The following ZNF407 variants were observed in gnomAD, a reference collection of about 807,000 sequenced individuals.
The protein encoded by ZNF407 is zinc finger protein 407.
ZNF407 carries 17 observed loss-of-function variants against 131.2 expected under a neutral mutation model. That is an observed-to-expected ratio of 0.13 (90% CI 0.09 to 0.19). The LOEUF (loss-of-function observed/expected upper bound fraction) is 0.19, where lower values mean the gene tolerates loss of function less well. Ranked by LOEUF, ZNF407 falls within the 10% of genes least tolerant of loss-of-function variation. ZNF407 has a pLI of 1.00. For synonymous variants in ZNF407, 1,156 were observed against 1,062.0 expected (o/e 1.09, Z -1.72); for missense variants, 2,681 against 2,830.6 (o/e 0.95, Z 1.20).
rs985772579 is a variant in ZNF407 at position 74,640,060 on chromosome 18, C to T, written c.4688-948C>T. 4.6e-5 allele frequency among the ~76,000 whole-genome samples: 7 copies of T among 152,020 alleles called. No individual in the cohort carries two copies. In the East Asian group the frequency reaches 5.8e-4, roughly 13 times the overall value. ...GAATATGATATGAAAAATCAGGAAACGTACTGATTTTAAACTGGTTTTTAC... is the reference window on the plus strand; with the variant it reads ...GAATATGATATGAAAAATCAGGAAATGTACTGATTTTAAACTGGTTTTTAC... On this transcript the variant is annotated intron_variant, in intron 2 of 8. Coordinates refer to ENST00000299687, the MANE Select transcript of ZNF407 (RefSeq NM_017757.3).
At chr18:75,017,383 G>GA (rs1973057051) in intron 8 of ZNF407, among the ~76,000 whole-genome samples, 1 of 152,060 alleles carries the variant, frequency 6.6e-6, no homozygotes, top group Non-Finnish European at 1.5e-5. Flanking sequence ...AGGAAAGTGT[G>GA]GAAAAATTTT....
chr18:74,647,462 G>A (rs1002767128), intron 3 of ZNF407, among the ~76,000 whole-genome samples: 2 of 151,968 alleles, frequency 1.3e-5, no homozygotes, highest in African/African-American at 4.8e-5. Flanking sequence ...AAATCTTCTT[G>A]TAGAGTCTCA....
At chr18:74,993,741 G>A (rs751612596) in intron 8 of ZNF407, among the ~76,000 whole-genome samples, 13 of 152,328 alleles carry the variant, frequency 8.5e-5, no homozygotes, top group Middle Eastern at 3.4e-3. Flanking sequence ...AGGAAAGCTC[G>A]TCAGAAAACT....
At chr18:74,697,237 A>G (rs1220960947) in intron 3 of ZNF407, among the ~76,000 whole-genome samples, 2 of 152,048 alleles carry the variant, frequency 1.3e-5, no homozygotes, top group Non-Finnish European at 1.5e-5. Context: ...TTCATTTTCT[A>G]TTAGGTGGGC....
intron 3 of ZNF407, among the ~76,000 whole-genome samples, chr18:74,722,542 G>A (rs188383163): frequency 6.6e-6 from 1 of 152,048 alleles, no homozygotes; most frequent in Non-Finnish European, 1.5e-5. Context: ...CCTCACCCCA[G>A]ATTTCTTCCT....
intron 4 of ZNF407, among the ~76,000 whole-genome samples, chr18:74,797,957 G>C: frequency 6.6e-6 from 1 of 152,092 alleles, no homozygotes; most frequent in East Asian, 1.9e-4. Flanking sequence ...AAGACCAGCA[G>C]GAGGGATCAA....
intron 3 of ZNF407, among the ~76,000 whole-genome samples, chr18:74,753,508 C>T (rs1323360496): frequency 2.0e-5 from 3 of 152,110 alleles, no homozygotes; most frequent in African/African-American, 7.2e-5. Context: ...ATAAATAGCT[C>T]TTATTATTTG....
chr18:74,699,785 A>G (rs1008319956), intron 3 of ZNF407, among the ~76,000 whole-genome samples: 1 of 152,202 alleles, frequency 6.6e-6, no homozygotes, highest in African/African-American at 2.4e-5. Flanking sequence ...GGAATATTAA[A>G]TCATACTTTA....
chr18:74,660,783 A>G (rs1985679520), intron 3 of ZNF407, among the ~76,000 whole-genome samples: 1 of 152,298 alleles, frequency 6.6e-6, no homozygotes, highest in East Asian at 1.9e-4. Context: ...TTAAGAAGTT[A>G]TTTTGAAAGG....
chr18:74,908,240 G>C (rs1450265075), intron 7 of ZNF407, among the ~76,000 whole-genome samples: 1 of 152,038 alleles, frequency 6.6e-6, no homozygotes, highest in Non-Finnish European at 1.5e-5. Flanking sequence ...CATTTTGGTA[G>C]CATTTGGACG....
intron 8 of ZNF407, among the ~76,000 whole-genome samples, chr18:75,059,779 A>AG (rs1973603084): frequency 9.5e-6 from 1 of 104,980 alleles, no homozygotes; most frequent in African/African-American, 3.1e-5. Context: ...CTCCGAGGAG[A>AG]GAATATAGGA....
At chr18:74,975,023 T>C (rs751351250) in intron 8 of ZNF407, among the ~76,000 whole-genome samples, 3 of 152,248 alleles carry the variant, frequency 2.0e-5, no homozygotes, top group Non-Finnish European at 4.4e-5. Flanking sequence ...TGCCCATTAA[T>C]ACATACTTAC....
chr18:75,046,786 C>T (rs1309797315), intron 8 of ZNF407, among the ~76,000 whole-genome samples: 1 of 151,184 alleles, frequency 6.6e-6, no homozygotes, highest in African/African-American at 2.4e-5. Flanking sequence ...AGCCTTACCT[C>T]ACTCCCTCCT....
intron 4 of ZNF407, among the ~76,000 whole-genome samples, chr18:74,854,458 T>G (rs1380952225): frequency 6.6e-6 from 1 of 152,210 alleles, no homozygotes; most frequent in Non-Finnish European, 1.5e-5. Flanking sequence ...CACAAACACT[T>G]TATTTCCTTG....
intron 8 of ZNF407, among the ~76,000 whole-genome samples, chr18:74,944,971 C>T (rs1005543089): frequency 6.6e-6 from 1 of 152,138 alleles, no homozygotes; most frequent in Non-Finnish European, 1.5e-5. Context: ...CTGTATTTCC[C>T]TGACAGAAAT....
chr18:75,008,136 G>A (rs553447213), intron 8 of ZNF407, among the ~76,000 whole-genome samples: 159 of 152,290 alleles, frequency 1.0e-3, no homozygotes, highest in African/African-American at 3.2e-3. Flanking sequence ...GTTTAGACTT[G>A]ATATCACCTG....
chr18:74,867,609 C>A (rs1409441210), intron 4 of ZNF407, among the ~76,000 whole-genome samples: 1 of 152,168 alleles, frequency 6.6e-6, no homozygotes, highest in Non-Finnish European at 1.5e-5. Context: ...GAACCTGTGG[C>A]ATGAAATGAA....
At chr18:74,654,364 A>G (rs973140191) in intron 3 of ZNF407, among the ~76,000 whole-genome samples, 1 of 151,816 alleles carries the variant, frequency 6.6e-6, no homozygotes, top group African/African-American at 2.4e-5. Flanking sequence ...AATAAAGGCA[A>G]TGTTTTGGCC....
At chr18:74,783,590 G>A (rs554873330) in intron 4 of ZNF407, among the ~76,000 whole-genome samples, 25 of 151,404 alleles carry the variant, frequency 1.7e-4, no homozygotes, top group Non-Finnish European at 3.4e-4. Context: ...TACATTCTAG[G>A]ATACTTTTTC....
Sources: gnomAD v4.1 joint callset for allele counts (sites outside exome capture counted in the v4.1 genomes callset) on GRCh38, gnomAD v4.1.1 for gene constraint, MANE v1.5 for transcripts, NCBI Gene and HGNC (gene_info 2026-07-23, HGNC 2026-07-21) for gene names.